Variants in LHFPL3 observed in about 807,000 individuals in gnomAD.
LHFPL3 encodes LHFPL tetraspan subfamily member 3 protein.
Under a neutral mutation model 19.3 loss-of-function variants are expected in LHFPL3, and 5 were observed. The ratio of observed to expected loss-of-function variants is 0.26; its 90% CI spans 0.14 to 0.54. LHFPL3 has a LOEUF of 0.54. Ranked by LOEUF, LHFPL3 falls within the 20% of genes least tolerant of loss-of-function variation. LHFPL3 has a pLI of 0.94. For synonymous variants in LHFPL3, 133 were observed against 126.2 expected (o/e 1.05, Z -0.36); for missense variants, 249 against 307.4 (o/e 0.81, Z 1.42).
intron 2 of LHFPL3, among the ~76,000 whole-genome samples, chr7:104,750,605 C>T (rs1264447102): frequency 5.3e-5 from 8 of 152,254 alleles, no homozygotes; most frequent in African/African-American, 1.9e-4. Flanking sequence ...GGCAGTGGGC[C>T]ATATACCCCT....
intron 1 of LHFPL3, among the ~76,000 whole-genome samples, chr7:104,431,816 A>G (rs1394322826): frequency 1.3e-5 from 2 of 152,184 alleles, no homozygotes; most frequent in African/African-American, 4.8e-5. Flanking sequence ...TGGAGATCAT[A>G]AACTCTTTCT....
chr7:104,771,811 CCT>C (rs1332530894), intron 2 of LHFPL3, among the ~76,000 whole-genome samples: 4 of 135,598 alleles, frequency 2.9e-5, no homozygotes, highest in Non-Finnish European at 6.2e-5. Flanking sequence ...TTTTCTTTTG[CCT>C]CTCTTTTTTT....
At chr7:104,857,902 C>T (rs1049267237) in intron 2 of LHFPL3, among the ~76,000 whole-genome samples, 1 of 152,084 alleles carries the variant, frequency 6.6e-6, no homozygotes, top group African/African-American at 2.4e-5. Flanking sequence ...CCACAGGAAA[C>T]GGGGCTTGTG....
At chr7:104,760,943 A>AC (rs1554434485) in intron 2 of LHFPL3, among the ~76,000 whole-genome samples, 1,823 of 13,214 alleles carry the variant, frequency 0.14, 39 homozygotes, top group African/African-American at 0.3. Context: ...AAAAAAAAAA[A>AC]ACATTACTTT....
At chr7:104,430,454 ATTTTTTTTTTTT>A (rs1172420054) in intron 1 of LHFPL3, among the ~76,000 whole-genome samples, 65 of 15,206 alleles carry the variant, frequency 4.3e-3, no homozygotes, top group African/African-American at 8.3e-3. Context: ...ATATATATAT[ATTTTTTTTTTTT>A]TTTTTTTTTT....
chr7:104,363,051 C>G (rs970193490), intron 1 of LHFPL3, among the ~76,000 whole-genome samples: 1 of 152,210 alleles, frequency 6.6e-6, no homozygotes, highest in Non-Finnish European at 1.5e-5. Flanking sequence ...TGCATTACTC[C>G]TGAGCTGTAA....
chr7:104,588,715 C>A (rs1209870153), intron 1 of LHFPL3, among the ~76,000 whole-genome samples: 1 of 152,136 alleles, frequency 6.6e-6, no homozygotes, highest in East Asian at 1.9e-4. Flanking sequence ...GGCAGTATGG[C>A]CATTTTCACA....
At chr7:104,737,980 TTATGCGGGTAAAC>T (rs1007799923) in intron 2 of LHFPL3, among the ~76,000 whole-genome samples, 6 of 92,452 alleles carry the variant, frequency 6.5e-5, no homozygotes, top group African/African-American at 2.1e-4. Flanking sequence ...CCATCACTGT[TTATGCGGGTAAAC>T]TGTTTATGCG....
chr7:104,370,475 C>G (rs752036521), intron 1 of LHFPL3, among the ~76,000 whole-genome samples: 3 of 152,156 alleles, frequency 2.0e-5, no homozygotes, highest in Non-Finnish European at 4.4e-5. Flanking sequence ...AATGTGACTT[C>G]CAGAGTCCCA....
chr7:104,421,661 GAT>G (rs902894561), intron 1 of LHFPL3, among the ~76,000 whole-genome samples: 1 of 152,132 alleles, frequency 6.6e-6, no homozygotes, highest in Admixed American at 6.6e-5. Context: ...GAAAAGATAA[GAT>G]AGATCTCCGC....
At chr7:104,562,685 C>G (rs1243023138) in intron 1 of LHFPL3, among the ~76,000 whole-genome samples, 1 of 151,942 alleles carries the variant, frequency 6.6e-6, no homozygotes, top group African/African-American at 2.4e-5. Flanking sequence ...CTCAGCTCCT[C>G]AAAGTCATTC....
At chr7:104,562,565 A>G (rs1790030093) in intron 1 of LHFPL3, among the ~76,000 whole-genome samples, 1 of 151,872 alleles carries the variant, frequency 6.6e-6, no homozygotes, top group East Asian at 1.9e-4. Context: ...TGTATTGGTT[A>G]TTCTAGTTAT....
intron 1 of LHFPL3, among the ~76,000 whole-genome samples, chr7:104,576,249 A>G (rs1006369840): frequency 6.6e-6 from 1 of 152,176 alleles, no homozygotes; most frequent in Admixed American, 6.5e-5. Context: ...CCAAGGAAGG[A>G]AAGAGTTTGA....
chr7:104,810,636 T>A (rs1790446213), intron 2 of LHFPL3, among the ~76,000 whole-genome samples: 1 of 152,172 alleles, frequency 6.6e-6, no homozygotes, highest in Admixed American at 6.5e-5. Flanking sequence ...GCCCATATCA[T>A]TTTTTGTCCA....
At chr7:104,881,103 G>T (rs1287060877) in intron 2 of LHFPL3, among the ~76,000 whole-genome samples, 1 of 150,974 alleles carries the variant, frequency 6.6e-6, no homozygotes, top group Admixed American at 6.6e-5. Context: ...CTGGGAGGCG[G>T]AGCTTGCAGT....
At chr7:104,420,650 C>T (rs1350759442) in intron 1 of LHFPL3, among the ~76,000 whole-genome samples, 1 of 150,610 alleles carries the variant, frequency 6.6e-6, no homozygotes, top group Non-Finnish European at 1.5e-5. Context: ...AGCTCCGCCT[C>T]CCGGGTTCAC....
At chr7:104,699,306 G>A (rs1399489186) in intron 1 of LHFPL3, among the ~76,000 whole-genome samples, 1 of 152,170 alleles carries the variant, frequency 6.6e-6, no homozygotes, top group Non-Finnish European at 1.5e-5. Context: ...GAATGTATAA[G>A]CAATATATGG....
In LHFPL3 at chr7:104,856,799, TGTGTATTATAGTAAG is replaced by T. The variant is rs1421108813; in HGVS notation, c.683-49378_683-49364del. Among the ~76,000 whole-genome samples, 18 of 152,322 alleles carry T rather than the reference TGTGTATTATAGTAAG, an allele frequency of 1.2e-4. No homozygotes were observed. The South Asian group carries it at 3.3e-3, about 28-fold the overall frequency. On this transcript the variant is annotated intron_variant, in intron 2 of 2. Transcript: ENST00000424859. ...TAAGCATGTATTGTGACCTGGGTAC[TGTGTATTATAGTAAG>T]GTGTATTATGACCTGGATACTGTGC...
intron 1 of LHFPL3, chr7:104,669,345 C>G: frequency 6.2e-7 from 1 of 1,613,566 alleles, no homozygotes; most frequent in Non-Finnish European, 8.5e-7. Context: ...GGATGAATGT[C>G]CCAAAAGGCC....
Sources: gnomAD v4.1 joint callset for allele counts (sites outside exome capture counted in the v4.1 genomes callset) on GRCh38, gnomAD v4.1.1 for gene constraint, MANE v1.5 for transcripts, NCBI Gene and HGNC (gene_info 2026-07-23, HGNC 2026-07-21) for gene names.